The following BTC variants were observed in gnomAD, a reference collection of about 807,000 sequenced individuals.
BTC encodes the protein betacellulin.
In BTC, 13 loss-of-function variants were observed where a neutral mutation model predicts 18.1. That is an observed-to-expected ratio of 0.72 (90% CI 0.47 to 1.14). The LOEUF (loss-of-function observed/expected upper bound fraction) is 1.14, where lower values mean the gene tolerates loss of function less well. BTC is among the 50% of genes most tolerant of loss of function. The pLI is 0.00. For missense variants in BTC, 247 were observed against 224.2 expected (o/e 1.10, Z -0.65); for synonymous variants, 83 against 79.4 (o/e 1.05, Z -0.24).
Position 74,794,368 on chromosome 4 carries a change from C to T in BTC, c.-43G>A. 1 of 1,487,920 alleles carries T rather than the reference C, an allele frequency of 6.7e-7. No homozygotes were observed. The highest frequency in any genetic ancestry group is 8.9e-7 in the Non-Finnish European group (1 of 1,118,876). The allele number at this position is 1,487,920 out of a possible 1,614,324, so 92.2% of individuals were successfully genotyped here. A position where few individuals can be genotyped will look rare whatever the true frequency, so the allele number is the denominator to read the frequency against. On this transcript the variant is annotated 5_prime_UTR_variant, in exon 1 of 6. Coordinates refer to ENST00000395743, the MANE Select transcript of BTC (RefSeq NM_001729.4). ...GCCGGGCAGCCCCTAGACAAGTCTC[C>T]CTCCTTCTTCGCCCCCTTCCCGGGC...
intron 1 of BTC, among the ~76,000 whole-genome samples, chr4:74,785,037 C>T (rs1034607584): frequency 2.0e-5 from 3 of 152,002 alleles, no homozygotes; most frequent in Non-Finnish European, 2.9e-5. Context: ...AGAATTCAGC[C>T]GTGAATCTTT....
At chr4:74,749,939 A>G (rs563642844) in intron 4 of BTC, among the ~76,000 whole-genome samples, 2 of 150,500 alleles carry the variant, frequency 1.3e-5, no homozygotes, top group Non-Finnish European at 3.0e-5. Flanking sequence ...CACAAAAAAA[A>G]AAAAAAAAAA....
At chr4:74,749,682 T>G (rs1393591425) in intron 4 of BTC, among the ~76,000 whole-genome samples, 1 of 111,424 alleles carries the variant, frequency 9.0e-6, no homozygotes, top group Non-Finnish European at 1.9e-5. Context: ...TAAGATAGTT[T>G]TTTTTGTTGT....
chr4:74,762,575 G>C (rs1560714284), intron 2 of BTC, among the ~76,000 whole-genome samples: 2 of 152,136 alleles, frequency 1.3e-5, no homozygotes, highest in South Asian at 4.2e-4. Context: ...CCAAATAAAG[G>C]AAGGAAAGGA....
chr4:74,779,095 G>GA (rs1725252131), intron 1 of BTC, among the ~76,000 whole-genome samples: 2 of 147,692 alleles, frequency 1.4e-5, no homozygotes, highest in Non-Finnish European at 3.0e-5. Context: ...TTCAAATTCA[G>GA]AAAAATAAAA....
chr4:74,747,530 C>A (rs527966543), intron 5 of BTC, among the ~76,000 whole-genome samples: 1 of 152,104 alleles, frequency 6.6e-6, no homozygotes, highest in African/African-American at 2.4e-5. Flanking sequence ...CCCAACAATT[C>A]TCAAGCTCAG....
intron 1 of BTC, among the ~76,000 whole-genome samples, chr4:74,774,927 GA>G (rs1725138624): frequency 6.6e-6 from 1 of 152,032 alleles, no homozygotes; most frequent in Non-Finnish European, 1.5e-5. Flanking sequence ...GCAGAAAAAA[GA>G]AAGGCCTATG....
At chr4:74,786,084 C>A (rs752583691) in intron 1 of BTC, among the ~76,000 whole-genome samples, 3 of 152,150 alleles carry the variant, frequency 2.0e-5, no homozygotes, top group Non-Finnish European at 2.9e-5. Flanking sequence ...TAGAGAAGGT[C>A]AAGGAGATAC....
At chr4:74,793,133 C>A (rs1294401219) in intron 1 of BTC, among the ~76,000 whole-genome samples, 1 of 152,180 alleles carries the variant, frequency 6.6e-6, no homozygotes, top group Admixed American at 6.5e-5. Flanking sequence ...AACCCCATTG[C>A]TCTTCTTCAT....
chr4:74,793,835 A>G (rs1287573209), intron 1 of BTC, among the ~76,000 whole-genome samples: 2 of 152,086 alleles, frequency 1.3e-5, no homozygotes, highest in African/African-American at 4.8e-5. Context: ...TTCTTGGTCT[A>G]TACTACCACG....
intron 1 of BTC, among the ~76,000 whole-genome samples, chr4:74,779,829 G>A (rs964422765): frequency 2.6e-5 from 4 of 152,048 alleles, no homozygotes; most frequent in Admixed American, 6.6e-5. Flanking sequence ...ACTTAGCATC[G>A]AATTTGTTAT....
At chr4:74,757,166 T>C (rs1396027469) in intron 2 of BTC, among the ~76,000 whole-genome samples, 1 of 152,186 alleles carries the variant, frequency 6.6e-6, no homozygotes, top group Admixed American at 6.5e-5. Flanking sequence ...GGCATCCCAA[T>C]GACATTGAAT....
At chr4:74,780,338 G>A (rs1725285728) in intron 1 of BTC, among the ~76,000 whole-genome samples, 1 of 152,180 alleles carries the variant, frequency 6.6e-6, no homozygotes, top group Non-Finnish European at 1.5e-5. Flanking sequence ...CAAATGTTGT[G>A]TGGAAATCAC....
At chr4:74,775,463 AG>A (rs994036005) in intron 1 of BTC, among the ~76,000 whole-genome samples, 9 of 152,318 alleles carry the variant, frequency 5.9e-5, no homozygotes, top group African/African-American at 1.7e-4. Context: ...AAAAGATCAT[AG>A]GTTATGTTAA....
chr4:74,777,825 AT>A (rs1229256279), intron 1 of BTC, among the ~76,000 whole-genome samples: 2 of 152,194 alleles, frequency 1.3e-5, no homozygotes, highest in Non-Finnish European at 2.9e-5. Context: ...ATAACTAAAA[AT>A]CAAGTGAATT....
intron 3 of BTC, among the ~76,000 whole-genome samples, chr4:74,755,511 C>A (rs1724573686): frequency 6.6e-6 from 1 of 152,192 alleles, no homozygotes; most frequent in African/African-American, 2.4e-5. Context: ...TTTACACTAA[C>A]TATAAACCAC....
intron 1 of BTC, among the ~76,000 whole-genome samples, chr4:74,784,733 A>G (rs186869025): frequency 1.7e-4 from 26 of 152,238 alleles, no homozygotes; most frequent in African/African-American, 5.8e-4. Context: ...ACATTTATTG[A>G]TTTGCATATG....
chr4:74,769,103 T>TC (rs1226021693), intron 2 of BTC, among the ~76,000 whole-genome samples: 1 of 152,098 alleles, frequency 6.6e-6, no homozygotes, highest in Non-Finnish European at 1.5e-5. Context: ...TGTTACAACT[T>TC]CCCGAGGGTG....
intron 2 of BTC, among the ~76,000 whole-genome samples, chr4:74,763,627 A>G (rs1466177708): frequency 6.6e-6 from 1 of 152,124 alleles, no homozygotes; most frequent in Non-Finnish European, 1.5e-5. Context: ...CCTGAATGGG[A>G]GAGAAAGGGA....
Sources: gnomAD v4.1 joint callset for allele counts (sites outside exome capture counted in the v4.1 genomes callset) on GRCh38, gnomAD v4.1.1 for gene constraint, MANE v1.5 for transcripts, NCBI Gene and HGNC (gene_info 2026-07-23, HGNC 2026-07-21) for gene names.